The following KIAA1549 variants were observed in gnomAD, a reference collection of about 807,000 sequenced individuals.
KIAA1549 encodes KIAA1549, also known as UPF0606 protein KIAA1549.
KIAA1549 carries 70 observed loss-of-function variants against 156.4 expected under a neutral mutation model. The observed-to-expected ratio is 0.45, with a 90% CI of 0.37 to 0.55. KIAA1549 has a LOEUF of 0.55. KIAA1549 is among the 20% of genes least tolerant of loss of function. The probability of loss-of-function intolerance (pLI) is 0.00; values close to 1 mark genes in which losing one functional copy is unlikely to be tolerated. For missense variants in KIAA1549, 2,428 were observed against 2,540.9 expected (o/e 0.96, Z 0.96); for synonymous variants, 1,103 against 1,066.4 (o/e 1.03, Z -0.67).
intron 16 of KIAA1549, among the ~76,000 whole-genome samples, chr7:138,854,947 G>A (rs988891211): frequency 7.2e-5 from 11 of 152,136 alleles, no homozygotes; most frequent in Non-Finnish European, 1.3e-4. Context: ...GCAGAATCAC[G>A]CTACACACTG....
intron 1 of KIAA1549, among the ~76,000 whole-genome samples, chr7:138,933,434 A>G (rs1812926847): frequency 1.3e-5 from 2 of 152,230 alleles, no homozygotes; most frequent in African/African-American, 4.8e-5. Context: ...AACTGAGCAG[A>G]CTGAGGAGCT....
chr7:138,870,967 G>T (rs989563110), intron 13 of KIAA1549, among the ~76,000 whole-genome samples, 190 bp downstream of exon 13: 1 of 152,026 alleles, frequency 6.6e-6, no homozygotes, highest in Non-Finnish European at 1.5e-5. Context: ...ACAGGAACCC[G>T]CCACCACGCC....
intron 1 of KIAA1549, among the ~76,000 whole-genome samples, chr7:138,968,515 A>T (rs1814110805): frequency 6.6e-6 from 1 of 152,286 alleles, no homozygotes; most frequent in Middle Eastern, 3.4e-3. Flanking sequence ...TTTATTTTTC[A>T]ATCCATCTAG....
chr7:138,913,786 T>C (rs1228425023), intron 2 of KIAA1549, among the ~76,000 whole-genome samples: 2 of 151,866 alleles, frequency 1.3e-5, no homozygotes, highest in Non-Finnish European at 2.9e-5. Flanking sequence ...ATGGCCCACA[T>C]AGGCTCCAAG....
intron 15 of KIAA1549, among the ~76,000 whole-genome samples, chr7:138,866,248 G>A (rs10229557): frequency 0.46 from 69,160 of 151,848 alleles, 18,045 homozygotes; most frequent in African/African-American, 0.72. Flanking sequence ...TAGAAATACC[G>A]TAAGTTCCTA....
At chr7:138,923,809 G>C (rs1032467404) in intron 1 of KIAA1549, among the ~76,000 whole-genome samples, 10 of 152,122 alleles carry the variant, frequency 6.6e-5, no homozygotes, top group African/African-American at 2.2e-4. Context: ...ACAAAATTCT[G>C]TGAATAGATT....
intron 15 of KIAA1549, among the ~76,000 whole-genome samples, chr7:138,866,893 C>T (rs374886875): frequency 4.6e-5 from 7 of 152,156 alleles, no homozygotes; most frequent in African/African-American, 1.7e-4. Flanking sequence ...GCCTCGACCT[C>T]CTGGGCTGAA....
chr7:138,865,635 G>A (rs1332708461), intron 15 of KIAA1549, among the ~76,000 whole-genome samples: 1 of 152,176 alleles, frequency 6.6e-6, no homozygotes, highest in Non-Finnish European at 1.5e-5. Flanking sequence ...AGCAGCCTCT[G>A]GGGTGGTGTC....
At chr7:138,912,560 A>C in intron 2 of KIAA1549, 100 bp from the exon 3 acceptor site, 1 of 925,076 alleles carries the variant, frequency 1.1e-6, no homozygotes. Context: ...ATGTGTTAGC[A>C]GTTCCAAAAG....
chr7:138,939,619 C>T (rs986314843), intron 1 of KIAA1549, among the ~76,000 whole-genome samples: 1 of 152,188 alleles, frequency 6.6e-6, no homozygotes, highest in Non-Finnish European at 1.5e-5. Context: ...GGCAAGAATA[C>T]TCCCTAGGTG....
At chr7:138,948,694 C>CTT (rs11325172) in intron 1 of KIAA1549, among the ~76,000 whole-genome samples, 2 of 138,178 alleles carry the variant, frequency 1.4e-5, no homozygotes, top group East Asian at 2.1e-4. Flanking sequence ...TGTTTTGTGG[C>CTT]TTTTTTTTTT....
chr7:138,900,467 T>A (rs1265666685), intron 8 of KIAA1549, among the ~76,000 whole-genome samples: 1 of 152,226 alleles, frequency 6.6e-6, no homozygotes, highest in Non-Finnish European at 1.5e-5. Context: ...CTAATAAATT[T>A]AAAAAGTATA....
At chr7:138,926,686 T>G (rs1160022987) in intron 1 of KIAA1549, among the ~76,000 whole-genome samples, 1 of 152,180 alleles carries the variant, frequency 6.6e-6, no homozygotes, top group East Asian at 1.9e-4. Context: ...TTTATCTTCC[T>G]GGTTTAGAAA....
intron 1 of KIAA1549, among the ~76,000 whole-genome samples, chr7:138,948,179 T>C (rs777089817): frequency 2.2e-4 from 34 of 152,154 alleles, no homozygotes; most frequent in South Asian, 1.0e-3. Flanking sequence ...TACTTGGAAA[T>C]AGGGCCTTAC....
At position 138,978,216 on chromosome 7, in the gene KIAA1549, C is replaced by T. The variant is rs117280955; in HGVS notation, c.187+2867G>A. ...TAACAACAAAAAAACGATAAAATTA[C>T]TTAGTGTTACCTACAGGCTGTGAGA... On this transcript the variant is annotated intron_variant, in intron 1 of 19. Coordinates refer to ENST00000422774, the MANE Select transcript of KIAA1549 (RefSeq NM_001164665.2). 4.6e-3 allele frequency among the ~76,000 whole-genome samples: 693 copies of T among 152,136 alleles called. 9 individuals are homozygous for T. Among genetic ancestry groups the T allele is most frequent in the Middle Eastern group, 0.024 (7 of 294 alleles).
At position 138,903,578 on chromosome 7, in the gene KIAA1549, T is replaced by G. The variant is rs766839399; in HGVS notation, c.3669+10A>C. The G allele has an allele frequency of 1.2e-6, 2 of 1,612,302 alleles. No individual in the cohort carries two copies. The highest frequency in any genetic ancestry group is 1.7e-6 in the Non-Finnish European group (2 of 1,179,054). On this transcript the variant is annotated intron_variant, in intron 8 of 19. Transcript: ENST00000422774. ...CTCTCTCCTTCCCCTCCTCCTTTGA[T>G]GTGGAGTACCTGCACCACACTGTTC...
chr7:138,863,146 T>A (rs959144782), intron 15 of KIAA1549, among the ~76,000 whole-genome samples: 3 of 151,826 alleles, frequency 2.0e-5, no homozygotes, highest in Non-Finnish European at 4.4e-5. Context: ...ACAGGCTCCA[T>A]GAGCCCAAAC....
At chr7:138,979,987 C>A (rs1034909637) in intron 1 of KIAA1549, among the ~76,000 whole-genome samples, 2 of 152,186 alleles carry the variant, frequency 1.3e-5, no homozygotes, top group Admixed American at 6.5e-5. Context: ...TCTATTGTAC[C>A]ATCCCCTCTA....
At chr7:138,946,374 T>C (rs1298719698) in intron 1 of KIAA1549, among the ~76,000 whole-genome samples, 2 of 152,212 alleles carry the variant, frequency 1.3e-5, no homozygotes, top group Non-Finnish European at 2.9e-5. Flanking sequence ...GCATCTTCAG[T>C]GAAAATTTAA....
Sources: gnomAD v4.1 joint callset for allele counts (sites outside exome capture counted in the v4.1 genomes callset) on GRCh38, gnomAD v4.1.1 for gene constraint, MANE v1.5 for transcripts, NCBI Gene and HGNC (gene_info 2026-07-23, HGNC 2026-07-21) for gene names.